The following UBIAD1 variants were observed in gnomAD, a reference collection of about 807,000 sequenced individuals.
The protein encoded by UBIAD1 is UbiA prenyltransferase domain containing 1.
Under a neutral mutation model 20.1 loss-of-function variants are expected in UBIAD1, and 12 were observed. The observed-to-expected ratio is 0.60, with a 90% CI of 0.38 to 0.97. UBIAD1 has a LOEUF of 0.97. Among genes scored for constraint, UBIAD1 ranks in the 50% least tolerant of loss-of-function variants. UBIAD1 has a pLI of 0.00. For synonymous variants in UBIAD1, 207 were observed against 189.2 expected, an observed-to-expected ratio of 1.09 and a Z score of -0.77; for missense variants, 333 against 419.5, an observed-to-expected ratio of 0.79 and a Z score of 1.80.
At chr1:11,294,894 A>C (rs1284232493) in exon 2 of UBIAD1, 4 of 717,514 alleles carry the variant, frequency 5.6e-6, no homozygotes, top group African/African-American at 1.7e-5. Context: ...CCACTGAAGC[A>C]GAGTGCCCAC....
At chr1:11,299,209 T>G (rs925791202), downstream of UBIAD1, among the ~76,000 whole-genome samples, 2 of 152,192 alleles carry the variant, frequency 1.3e-5, no homozygotes, top group African/African-American at 4.8e-5. Context: ...CAGCAACATG[T>G]CAAGGCCGCC....
intron 1 of UBIAD1, among the ~76,000 whole-genome samples, chr1:11,281,957 A>G (rs1482048959): frequency 6.6e-6 from 1 of 152,194 alleles, no homozygotes; most frequent in Non-Finnish European, 1.5e-5. Flanking sequence ...GCTGACTAGC[A>G]TTCCATTGTA....
At position 11,277,645 on chromosome 1, in the gene UBIAD1, T is replaced by C. The variant is rs569811800; in HGVS notation, c.529+3585T>C. ...TAAGCAAGATGGATAAAGCATGCCA[T>C]TTCTGTTTTCTTTTTTCTTGAGACA... is the stretch of plus-strand genomic sequence containing the variant. On this transcript the variant is annotated intron_variant, in intron 1 of 1. Coordinates refer to ENST00000376810, the MANE Select transcript of UBIAD1 (RefSeq NM_013319.3). 1.2e-3 allele frequency among the ~76,000 whole-genome samples: 186 copies of C among 152,250 alleles called. 1 individual carries two copies. The highest frequency in any genetic ancestry group is 3.4e-3 in the Middle Eastern group (1 of 294).
Position 11,273,821 on chromosome 1 carries a change from C to G in UBIAD1, c.290C>G (p.Ala97Gly). The change falls in exon 1 of 2, where the codon GCC becomes GGC. Residue 97 changes from alanine to glycine, a missense_variant. By Grantham distance (60) the Ala-to-Gly change is moderately conservative (BLOSUM62 0). Coordinates refer to ENST00000376810, the MANE Select transcript of UBIAD1 (RefSeq NM_013319.3). This position sits in a 1 kb window ranked among gnomAD's most constrained non-coding sequence, Gnocchi z 4.9. Reference sequence around the variant, plus strand: ...GTGGCTGTCCTGGCTGTGCACGGGGCCGGTAATTTGGTCAACACTTACTAT... The same window carrying G: ...GTGGCTGTCCTGGCTGTGCACGGGGGCGGTAATTTGGTCAACACTTACTAT... The part of the protein sequence containing the change: ...CAVAVLAVHG[A>G]GNLVNTYYDF... 6.2e-7 allele frequency: 1 copy of G among 1,614,102 alleles called. No individual in the cohort carries two copies. The highest frequency in any genetic ancestry group is 8.5e-7 in the Non-Finnish European group (1 of 1,180,030).
Position 11,285,699 on chromosome 1 carries a change from C to T in UBIAD1, c.585C>T (p.Gly195=), listed in dbSNP as rs772014013. ...LGDLIILITF[G]PLAVMFAYAI... ...ACCTCATCATCCTCATCACTTTTGGCCCGCTGGCTGTGATGTTCGCCTACG... is the reference window on the plus strand; with the variant it reads ...ACCTCATCATCCTCATCACTTTTGGTCCGCTGGCTGTGATGTTCGCCTACG... Residue 195 remains glycine, a synonymous_variant, in exon 2 of 2, where the codon GGC becomes GGT. Transcript: ENST00000376810. This position sits in a 1 kb window ranked among gnomAD's most constrained non-coding sequence, Gnocchi z 4.4. 5 of 1,614,190 alleles carry T rather than the reference C, an allele frequency of 3.1e-6. No homozygotes were observed. The highest frequency in any genetic ancestry group is 4.2e-6 in the Non-Finnish European group (5 of 1,180,040).
At position 11,286,119 on chromosome 1, in the gene UBIAD1, G is replaced by C; in HGVS notation, c.1005G>C (p.Leu335=). 1.2e-6 allele frequency: 2 copies of C among 1,614,150 alleles called. No homozygotes were observed. Among genetic ancestry groups the C allele is most frequent in the Non-Finnish European group, 1.7e-6 (2 of 1,180,032 alleles). The change falls in exon 2 of 2, where the codon CTG becomes CTC. Residue 335 remains leucine (L), a synonymous_variant. Transcript: ENST00000376810. The part of the protein sequence containing the change: ...FGIILAPAGS[L]PKI The stretch of plus-strand genomic sequence containing the variant: ...TCATTCTGGCACCAGCAGGCAGTCT[G>C]CCCAAAATTTAAGGGGACAAGTAGC...
chr1:11,284,055 A>C (rs1351423005), intron 1 of UBIAD1, among the ~76,000 whole-genome samples: 1 of 152,210 alleles, frequency 6.6e-6, no homozygotes, highest in Non-Finnish European at 1.5e-5. Context: ...GCTGTGACCA[A>C]GCCAGACACA....
downstream of UBIAD1, among the ~76,000 whole-genome samples, chr1:11,289,589 A>G (rs1204888006): frequency 1.3e-5 from 2 of 151,912 alleles, no homozygotes; most frequent in Non-Finnish European, 2.9e-5. Flanking sequence ...TTTTGAGACT[A>G]TGTCTCAGTG....
chr1:11,281,684 C>T (rs1451568337), intron 1 of UBIAD1, among the ~76,000 whole-genome samples: 2 of 152,146 alleles, frequency 1.3e-5, no homozygotes, highest in Non-Finnish European at 2.9e-5. Context: ...ACTTCCATCA[C>T]CCCCAAAAGC....
At chr1:11,289,354 A>G (rs1189102341), downstream of UBIAD1, among the ~76,000 whole-genome samples, 2 of 152,194 alleles carry the variant, frequency 1.3e-5, no homozygotes, top group Admixed American at 6.5e-5. Flanking sequence ...GAGCTTACAA[A>G]ATGACAATTA....
intron 1 of UBIAD1, among the ~76,000 whole-genome samples, chr1:11,283,724 T>G (rs1266796496): frequency 6.6e-6 from 1 of 152,136 alleles, no homozygotes; most frequent in Non-Finnish European, 1.5e-5. Context: ...GTTCCTTAGC[T>G]CCTGTCATTT....
At chr1:11,297,645 T>C (rs1478919014), downstream of UBIAD1, among the ~76,000 whole-genome samples, 1 of 152,184 alleles carries the variant, frequency 6.6e-6, no homozygotes, top group African/African-American at 2.4e-5. Context: ...GTGGGGTGAC[T>C]ATGAAAAAGT....
intron 1 of UBIAD1, among the ~76,000 whole-genome samples, chr1:11,279,597 G>A (rs1274352098): frequency 6.6e-6 from 1 of 152,102 alleles, no homozygotes; most frequent in Non-Finnish European, 1.5e-5. Context: ...TGTATTTTTA[G>A]CAGAGACGGT....
At position 11,286,778 on chromosome 1, in the gene UBIAD1, C is replaced by T. The variant is rs1029481203; in HGVS notation, c.*647C>T. On this transcript the variant is annotated 3_prime_UTR_variant, in exon 2 of 2. Coordinates refer to ENST00000376810, the MANE Select transcript of UBIAD1 (RefSeq NM_013319.3). ...TGAGGAAAAGTGTCAGATTACCCTGCAGCAAGACAAGCCAAGGACTGGGAG... is the reference window on the plus strand; with the variant it reads ...TGAGGAAAAGTGTCAGATTACCCTGTAGCAAGACAAGCCAAGGACTGGGAG... 9 of 154,152 alleles carry T rather than the reference C, an allele frequency of 5.8e-5. No homozygotes were observed. The highest frequency in any genetic ancestry group is 2.0e-4 in the South Asian group (1 of 4,952). 9.5% of individuals were successfully genotyped at this position (154,152 alleles called of 1,614,324 possible).
chr1:11,285,522 C>T lies in UBIAD1; in HGVS notation c.530-122C>T. 6.9e-7 allele frequency: 1 copy of T among 1,450,790 alleles called. No individual in the cohort carries two copies. Among genetic ancestry groups the T allele is most frequent in the Non-Finnish European group, 9.5e-7 (1 of 1,054,354 alleles). 89.9% of individuals were successfully genotyped at this position (1,450,790 alleles called of 1,614,324 possible). ...TGGGGTTAAGGGATGAAATGAGTGC[C>T]CACCTGCACAGTCTAAGGATTTACC... On this transcript the variant is annotated intron_variant, in intron 1 of 1. Coordinates refer to ENST00000376810, the MANE Select transcript of UBIAD1 (RefSeq NM_013319.3). This position sits in a 1 kb window ranked among gnomAD's most constrained non-coding sequence, Gnocchi z 4.4.
At chr1:11,297,834 C>T (rs925501636), downstream of UBIAD1, among the ~76,000 whole-genome samples, 6 of 152,148 alleles carry the variant, frequency 3.9e-5, no homozygotes, top group Admixed American at 3.9e-4. Flanking sequence ...TCTCTAGGTA[C>T]AAGGGAAAGA....
chr1:11,289,924 G>A (rs554995150), downstream of UBIAD1, among the ~76,000 whole-genome samples: 7 of 152,096 alleles, frequency 4.6e-5, no homozygotes, highest in Non-Finnish European at 8.8e-5. Context: ...TAGAGAAGGG[G>A]TTTCACCATG....
downstream of UBIAD1, among the ~76,000 whole-genome samples, chr1:11,299,500 G>A (rs899369751): frequency 1.3e-5 from 2 of 152,212 alleles, no homozygotes; most frequent in Non-Finnish European, 2.9e-5. Context: ...TCTTTTGAAG[G>A]GGGGAGCAAA....
At chr1:11,278,947 C>G in intron 1 of UBIAD1, 1 of 210,370 alleles carries the variant, frequency 4.8e-6, no homozygotes, top group Non-Finnish European at 9.5e-6. Context: ...TCACTGCAAC[C>G]TCTGCTTCCT....
Sources: gnomAD v4.1 joint callset for allele counts (sites outside exome capture counted in the v4.1 genomes callset) on GRCh38, gnomAD v4.1.1 for gene constraint, Gnocchi (gnomAD v3.1) non-coding constraint, MANE v1.5 for transcripts, NCBI Gene and HGNC (gene_info 2026-07-23, HGNC 2026-07-21) for gene names.